Variants in MYO5B observed in about 807,000 individuals in gnomAD.
MYO5B encodes the protein myosin VB.
Under a neutral mutation model 229.3 loss-of-function variants are expected in MYO5B, and 143 were observed. That is an observed-to-expected ratio of 0.62 (90% CI 0.54 to 0.72). MYO5B has a LOEUF of 0.72. Ranked by LOEUF, MYO5B falls within the 30% of genes least tolerant of loss-of-function variation. The pLI is 0.00. For missense variants in MYO5B, 2,321 were observed against 2,331.0 expected (o/e 1.00, Z 0.09); for synonymous variants, 918 against 885.2 (o/e 1.04, Z -0.66).
At chr18:50,193,957 C>T (rs1445093882) in intron 1 of MYO5B, among the ~76,000 whole-genome samples, 10 of 152,144 alleles carry the variant, frequency 6.6e-5, no homozygotes, top group Non-Finnish European at 1.5e-4. Flanking sequence ...GTTCCCGATT[C>T]GGAGCACCCA....
rs776146545 is a variant in MYO5B at position 49,841,445 on chromosome 18, C to T, written c.4621G>A (p.Asp1541Asn). ...CAGAATGACGTCATCTCAAAGTCAT[C>T]ATTGTGCTTCTGTGAAAAGAAAAGG... ...GIKKVLKKHNDDFEMTSFWLS... is the reference protein window; with the variant it reads ...GIKKVLKKHNNDFEMTSFWLS... Residue 1541 changes from aspartate (D) to asparagine (N), a missense_variant, in exon 35 of 40, where the codon GAT becomes AAT. Physicochemically the swap from Asp to Asn is conservative, Grantham distance 23. Transcript: ENST00000285039. The T allele has an allele frequency of 4.3e-6, 7 of 1,614,130 alleles. No homozygotes were observed. In the East Asian group the frequency reaches 6.7e-5, roughly 15 times the overall value.
At chr18:49,839,375 T>C (rs2024029805) in intron 35 of MYO5B, 81 bp from the exon 36 acceptor site, 2 of 1,548,478 alleles carry the variant, frequency 1.3e-6, no homozygotes, top group Non-Finnish European at 1.8e-6. Flanking sequence ...GTAACTTTAG[T>C]CATCTATTTG....
chr18:50,018,170 G>A (rs1327105678), intron 4 of MYO5B, among the ~76,000 whole-genome samples: 1 of 152,142 alleles, frequency 6.6e-6, no homozygotes, highest in Non-Finnish European at 1.5e-5. Flanking sequence ...CCACAGCCTA[G>A]CACTCCTGGC....
At chr18:49,896,332 C>G (rs1379090295) in intron 21 of MYO5B, among the ~76,000 whole-genome samples, 2 of 152,184 alleles carry the variant, frequency 1.3e-5, no homozygotes, top group African/African-American at 4.8e-5. Context: ...CACCTTCAAG[C>G]CTGGTCTGCC....
intron 17 of MYO5B, among the ~76,000 whole-genome samples, chr18:49,918,393 A>T (rs951617799): frequency 3.9e-5 from 6 of 152,226 alleles, no homozygotes; most frequent in African/African-American, 1.4e-4. Context: ...CTATGACATC[A>T]GTCCACAAAA....
At chr18:50,139,010 C>T (rs981408156) in intron 1 of MYO5B, among the ~76,000 whole-genome samples, 16 of 152,222 alleles carry the variant, frequency 1.1e-4, no homozygotes, top group Non-Finnish European at 2.9e-5. Context: ...AATAAACAAT[C>T]CAAGTTAACC....
chr18:50,043,345 TATATATAATATAAATATATTATATA>T (rs1356235153), intron 2 of MYO5B, among the ~76,000 whole-genome samples: 17 of 114,228 alleles, frequency 1.5e-4, no homozygotes, highest in Non-Finnish European at 2.7e-4. Flanking sequence ...ATATTTATAT[TATATATAATATAAATATATTATATA>T]ATATATAATA....
chr18:50,123,296 G>A (rs532525656), intron 1 of MYO5B, among the ~76,000 whole-genome samples: 5 of 152,310 alleles, frequency 3.3e-5, no homozygotes, highest in South Asian at 4.1e-4. Context: ...GGAGAAATGG[G>A]TACAGGTCTC....
chr18:49,965,320 T>C (rs9963579), intron 10 of MYO5B, among the ~76,000 whole-genome samples: 1 of 152,122 alleles, frequency 6.6e-6, no homozygotes, highest in South Asian at 2.1e-4. Context: ...CTACAAATGC[T>C]TGCAGCCCAC....
At chr18:49,846,376 A>C (rs2024126892) in intron 33 of MYO5B, among the ~76,000 whole-genome samples, 1 of 152,210 alleles carries the variant, frequency 6.6e-6, no homozygotes, top group South Asian at 2.1e-4. Context: ...CTGCTGGTCC[A>C]GGGACCATGT....
intron 39 of MYO5B, among the ~76,000 whole-genome samples, chr18:49,828,339 C>A (rs2023871239): frequency 6.6e-6 from 1 of 152,116 alleles, no homozygotes; most frequent in African/African-American, 2.4e-5. Flanking sequence ...AAGTCATTTC[C>A]AGAGACAAAG....
intron 25 of MYO5B, 61 bp from the exon 26 acceptor site, chr18:49,875,888 C>T: frequency 6.3e-7 from 1 of 1,589,396 alleles, no homozygotes. Context: ...AGGGAACACA[C>T]AGCACTTCAC....
chr18:50,113,483 C>T (rs969181401), intron 1 of MYO5B, among the ~76,000 whole-genome samples: 2 of 152,200 alleles, frequency 1.3e-5, no homozygotes, highest in African/African-American at 2.4e-5. Context: ...ATTGCTGGAC[C>T]ATGGAACACT....
At chr18:49,942,147 A>T (rs1037402267) in intron 14 of MYO5B, among the ~76,000 whole-genome samples, 11 of 151,388 alleles carry the variant, frequency 7.3e-5, no homozygotes, top group Non-Finnish European at 1.2e-4. Flanking sequence ...TAGAAAGTTG[A>T]AACTGGATCC....
intron 26 of MYO5B, among the ~76,000 whole-genome samples, chr18:49,874,725 G>T (rs2024496738): frequency 6.6e-6 from 1 of 152,184 alleles, no homozygotes; most frequent in Admixed American, 6.5e-5. Flanking sequence ...TCAGGCCTGA[G>T]AACATACCAA....
chr18:50,136,709 T>C (rs768335858), intron 1 of MYO5B, among the ~76,000 whole-genome samples: 3 of 152,196 alleles, frequency 2.0e-5, no homozygotes, highest in African/African-American at 4.8e-5. Context: ...ACCCTGCCAC[T>C]TAGTGGCTCT....
At chr18:49,981,065 A>G (rs1301546795) in intron 8 of MYO5B, among the ~76,000 whole-genome samples, 3 of 152,258 alleles carry the variant, frequency 2.0e-5, no homozygotes, top group Non-Finnish European at 4.4e-5. Context: ...GCCCCTGGCC[A>G]TCCCCAGATG....
At chr18:50,077,981 G>A (rs11873930) in intron 1 of MYO5B, among the ~76,000 whole-genome samples, 4 of 152,120 alleles carry the variant, frequency 2.6e-5, no homozygotes, top group African/African-American at 9.7e-5. Flanking sequence ...AGCACAAAAG[G>A]CATCACAGCC....
intron 1 of MYO5B, among the ~76,000 whole-genome samples, chr18:50,111,481 G>A (rs545048967): frequency 1.3e-5 from 2 of 150,512 alleles, no homozygotes; most frequent in Non-Finnish European, 2.9e-5. Context: ...TGAAAGTTCT[G>A]GGGCAAATTC....
Sources: gnomAD v4.1 joint callset for allele counts (sites outside exome capture counted in the v4.1 genomes callset) on GRCh38, gnomAD v4.1.1 for gene constraint, MANE v1.5 for transcripts, NCBI Gene and HGNC (gene_info 2026-07-23, HGNC 2026-07-21) for gene names.